Variants in UROC1 observed in about 807,000 individuals in gnomAD.
UROC1 encodes urocanate hydratase 1, also known as urocanate hydratase.
A neutral mutation model predicts 89.5 loss-of-function variants in UROC1; 79 were observed. The observed-to-expected ratio is 0.88, with a 90% CI of 0.74 to 1.06. UROC1 has a LOEUF of 1.06. Ranked by LOEUF, UROC1 falls within the 50% of genes least tolerant of loss-of-function variation. UROC1 has a pLI of 0.00. For synonymous variants in UROC1, 361 were observed against 354.8 expected, an observed-to-expected ratio of 1.02 and a Z score of -0.20; for missense variants, 885 against 907.8, an observed-to-expected ratio of 0.97 and a Z score of 0.32.
chr3:126,500,247 A>C, intron 11 of UROC1, 93 bp from the exon 12 acceptor site: 1 of 1,230,222 alleles, frequency 8.1e-7, no homozygotes, highest in Non-Finnish European at 1.2e-6. Context: ...CTCCCCACCA[A>C]CTTCCAGCCC....
In UROC1 at chr3:126,510,674, T is replaced by C. The variant is rs984339422; in HGVS notation, c.247A>G (p.Ile83Val). 2.5e-6 allele frequency: 4 copies of C among 1,614,126 alleles called. No homozygotes were observed. The highest frequency in any genetic ancestry group is 4.5e-5 in the East Asian group (2 of 44,882). ...ACCCACAAGGCTGACCTCATTTCAA[T>C]GTCGGGGCAAAACCGGTACATGTAG... ...HIYMYRFCPD[I>V]EMRAYPIEQY... Residue 83 changes from isoleucine (I) to valine (V), a missense_variant, in exon 2 of 20, where the codon ATT becomes GTT. By Grantham distance (29) the Ile-to-Val change is conservative (BLOSUM62 3). Coordinates refer to ENST00000290868, the MANE Select transcript of UROC1 (RefSeq NM_144639.3).
chr3:126,504,136 C>T (rs1341609263), intron 8 of UROC1, 53 bp from the exon 9 acceptor site: 1 of 1,587,970 alleles, frequency 6.3e-7, no homozygotes. Context: ...GGTTACAAAT[C>T]TTCCCTAAGT....
chr3:126,517,432 G>C (rs1307711316), intron 1 of UROC1, among the ~76,000 whole-genome samples, 162 bp downstream of exon 1: 1 of 152,152 alleles, frequency 6.6e-6, no homozygotes, highest in Non-Finnish European at 1.5e-5. Flanking sequence ...CCAAGAGACA[G>C]AGTCCACTGT....
intron 13 of UROC1, 151 bp from the exon 14 acceptor site, chr3:126,498,323 C>T (rs944411413): frequency 3.0e-6 from 4 of 1,314,420 alleles, no homozygotes; most frequent in African/African-American, 2.9e-5. Flanking sequence ...CCAGGGGCCT[C>T]CCTGTCCCCT....
intron 1 of UROC1, among the ~76,000 whole-genome samples, chr3:126,515,045 C>T (rs546455892): frequency 5.4e-4 from 82 of 152,192 alleles, no homozygotes; most frequent in African/African-American, 2.0e-3. Flanking sequence ...CGCTCCTACT[C>T]CAAGGGTGTC....
intron 19 of UROC1, among the ~76,000 whole-genome samples, 172 bp downstream of exon 19, chr3:126,483,197 C>T (rs1357685814): frequency 1.3e-5 from 2 of 152,250 alleles, no homozygotes; most frequent in African/African-American, 4.8e-5. Context: ...CATCACCTGA[C>T]CTGACCTCCA....
chr3:126,503,882 A>C, intron 9 of UROC1, 113 bp downstream of exon 9: 1 of 1,113,998 alleles, frequency 9.0e-7, no homozygotes, highest in Non-Finnish European at 1.4e-6. Context: ...ACATGTAGCC[A>C]GCTGTCAGGC....
chr3:126,512,556 T>A lies in UROC1; in HGVS notation c.127-1762A>T, dbSNP rs537328353. ...CCTGGGTAACATAGGGAGACCCCCA[T>A]CTTTACGAAAAATAAAAAATTGCCA... On this transcript the variant is annotated intron_variant, in intron 1 of 19. Transcript: ENST00000290868. 5.9e-5 allele frequency among the ~76,000 whole-genome samples: 9 copies of A among 152,190 alleles called. No individual in the cohort carries two copies. The South Asian group carries it at 1.9e-3, about 32-fold the overall frequency.
At chr3:126,513,792 G>C (rs1560129195) in intron 1 of UROC1, among the ~76,000 whole-genome samples, 1 of 152,010 alleles carries the variant, frequency 6.6e-6, no homozygotes, top group Non-Finnish European at 1.5e-5. Flanking sequence ...TATACTCTGT[G>C]GGGGGCATAG....
intron 16 of UROC1, 80 bp downstream of exon 16, chr3:126,492,338 C>T: frequency 8.8e-6 from 12 of 1,357,426 alleles, no homozygotes; most frequent in Non-Finnish European, 1.2e-5. Context: ...GCAGCCGAGG[C>T]ACACGCAGGA....
At chr3:126,510,865 G>A in intron 1 of UROC1, 71 bp from the exon 2 acceptor site, 3 of 1,573,644 alleles carry the variant, frequency 1.9e-6, no homozygotes, top group South Asian at 2.3e-5. Flanking sequence ...CCCGCGATGG[G>A]CCATCCTCCT....
intron 1 of UROC1, among the ~76,000 whole-genome samples, chr3:126,517,040 AAAAGGG>A (rs1936343913): frequency 1.3e-5 from 2 of 152,058 alleles, no homozygotes; most frequent in Admixed American, 6.5e-5. Context: ...GACAAATGAC[AAAAGGG>A]AGGTTCCCAG....
At chr3:126,482,819 C>T (rs1283710431) in intron 19 of UROC1, among the ~76,000 whole-genome samples, 2 of 152,124 alleles carry the variant, frequency 1.3e-5, no homozygotes, top group Non-Finnish European at 2.9e-5. Flanking sequence ...AGTCCTCTTT[C>T]TTCCCTCCAC....
intron 4 of UROC1, 67 bp from the exon 5 acceptor site, chr3:126,508,162 AC>A (rs1936113910): frequency 1.9e-6 from 3 of 1,611,240 alleles, no homozygotes; most frequent in South Asian, 2.2e-5. Flanking sequence ...GCCCCACACC[AC>A]CGTCCACGCC....
chr3:126,489,937 A>G (rs1020424727), intron 16 of UROC1, among the ~76,000 whole-genome samples: 13 of 152,200 alleles, frequency 8.5e-5, no homozygotes, highest in South Asian at 2.1e-4. Flanking sequence ...CCGAGTGTCC[A>G]CTTAGTCTGG....
intron 3 of UROC1, 128 bp from the exon 4 acceptor site, chr3:126,508,603 G>A: frequency 1.4e-6 from 1 of 725,340 alleles, no homozygotes; most frequent in South Asian, 1.5e-5. Context: ...GAAGGGTGAG[G>A]CCCAGGGACG....
chr3:126,501,855 T>C, intron 9 of UROC1: 3 of 1,598,986 alleles, frequency 1.9e-6, no homozygotes, highest in Non-Finnish European at 2.5e-6. Flanking sequence ...CCCCCAGGGG[T>C]GCAAGGTTGA....
chr3:126,507,196 T>C (rs927221258), intron 6 of UROC1, among the ~76,000 whole-genome samples: 7 of 152,196 alleles, frequency 4.6e-5, no homozygotes, highest in Admixed American at 2.6e-4. Flanking sequence ...CTGTGCCTAA[T>C]GGTTTTGGTT....
chr3:126,502,680 TTG>T (rs1353270931), intron 9 of UROC1, among the ~76,000 whole-genome samples: 1 of 151,142 alleles, frequency 6.6e-6, no homozygotes, highest in Admixed American at 6.6e-5. Context: ...CATGCATGTG[TTG>T]TGTGTCTGTT....
Sources: allele counts gnomAD v4.1 joint callset (sites outside exome capture counted in the v4.1 genomes callset), GRCh38; gene constraint gnomAD v4.1.1; transcripts MANE v1.5; gene names NCBI Gene and HGNC (gene_info 2026-07-23, HGNC 2026-07-21).